The following GPC5 variants were observed in gnomAD, a reference collection of about 807,000 sequenced individuals.
GPC5 encodes glypican-5.
GPC5 carries 47 observed loss-of-function variants against 53.9 expected under a neutral mutation model. That is an observed-to-expected ratio of 0.87 (90% CI 0.69 to 1.11). The LOEUF (loss-of-function observed/expected upper bound fraction) is 1.11, where lower values mean the gene tolerates loss of function less well. Among genes scored for constraint, GPC5 ranks in the 50% most tolerant of loss-of-function variants. The probability of loss-of-function intolerance (pLI) is 0.00; values close to 1 mark genes in which losing one functional copy is unlikely to be tolerated. For synonymous variants in GPC5, 286 were observed against 263.3 expected (o/e 1.09, Z -0.84); for missense variants, 748 against 713.1 (o/e 1.05, Z -0.56).
At chr13:92,370,002 A>G (rs1380017728) in intron 7 of GPC5, among the ~76,000 whole-genome samples, 1 of 152,210 alleles carries the variant, frequency 6.6e-6, no homozygotes, top group African/African-American at 2.4e-5. Context: ...CACTTTAGTA[A>G]TACTCTCCTT....
intron 6 of GPC5, among the ~76,000 whole-genome samples, chr13:91,965,371 A>G (rs764963470): frequency 6.6e-6 from 1 of 152,088 alleles, no homozygotes; most frequent in African/African-American, 2.4e-5. Flanking sequence ...TCATTTGGAG[A>G]AGTGTTTTAA....
intron 3 of GPC5, among the ~76,000 whole-genome samples, chr13:91,723,597 C>A (rs928644263): frequency 2.0e-5 from 3 of 152,046 alleles, no homozygotes; most frequent in African/African-American, 7.2e-5. Flanking sequence ...GCTTTAACTT[C>A]TTCATTCTTA....
chr13:92,103,660 G>T (rs377452051), intron 6 of GPC5, among the ~76,000 whole-genome samples: 6 of 152,284 alleles, frequency 3.9e-5, no homozygotes, highest in Admixed American at 3.9e-4. Flanking sequence ...ATGTGCATGT[G>T]TGTGCACAAG....
chr13:92,552,462 A>T (rs970389671), intron 7 of GPC5, among the ~76,000 whole-genome samples: 1 of 151,966 alleles, frequency 6.6e-6, no homozygotes, highest in Non-Finnish European at 1.5e-5. Context: ...AAATAAAACT[A>T]AGTTACTTTG....
intron 7 of GPC5, among the ~76,000 whole-genome samples, chr13:92,282,848 A>G (rs190158929): frequency 2.0e-5 from 3 of 152,222 alleles, no homozygotes; most frequent in Non-Finnish European, 4.4e-5. Flanking sequence ...TGAGCAAAAT[A>G]ACCAGCTAAC....
intron 7 of GPC5, among the ~76,000 whole-genome samples, chr13:92,566,365 T>C (rs1161394818): frequency 6.6e-6 from 1 of 152,148 alleles, no homozygotes; most frequent in Non-Finnish European, 1.5e-5. Flanking sequence ...GTTTCCAATA[T>C]TTCAAATTAC....
intron 7 of GPC5, among the ~76,000 whole-genome samples, chr13:92,474,464 AT>A (rs531133538): frequency 1.3e-5 from 2 of 152,074 alleles, no homozygotes; most frequent in Admixed American, 6.6e-5. Context: ...GTAGTAATAG[AT>A]CTTCAAATTA....
At chr13:92,207,325 A>G (rs2042344854) in intron 7 of GPC5, among the ~76,000 whole-genome samples, 1 of 152,214 alleles carries the variant, frequency 6.6e-6, no homozygotes, top group Non-Finnish European at 1.5e-5. Context: ...CTAACCCCTG[A>G]GGAATTCTGA....
chr13:92,796,242 C>T (rs1876673708), intron 7 of GPC5, among the ~76,000 whole-genome samples: 2 of 152,054 alleles, frequency 1.3e-5, no homozygotes, highest in Admixed American at 1.3e-4. Context: ...AACCACGATT[C>T]TCATCAAACT....
intron 7 of GPC5, among the ~76,000 whole-genome samples, chr13:92,426,808 T>C (rs558824378): frequency 7.9e-5 from 12 of 152,000 alleles, no homozygotes; most frequent in African/African-American, 2.9e-4. Context: ...AGAACATGGA[T>C]CCATAGAGAG....
chr13:91,955,118 C>A (rs2040061121), intron 6 of GPC5, among the ~76,000 whole-genome samples: 1 of 152,146 alleles, frequency 6.6e-6, no homozygotes, highest in Non-Finnish European at 1.5e-5. Flanking sequence ...TGTCCCTGGA[C>A]TAGAAAACTC....
rs118135426 is a variant in GPC5, at chr13:92,395,305, A to G, written c.1561+250316A>G. 9.0e-3 allele frequency among the ~76,000 whole-genome samples: 1,378 copies of G among 152,266 alleles called. 10 individuals are homozygous for G. Among genetic ancestry groups the G allele is most frequent in the Non-Finnish European group, 0.012 (846 of 68,012 alleles). On this transcript the variant is annotated intron_variant, in intron 7 of 7. Transcript: ENST00000377067. The stretch of plus-strand genomic sequence containing the variant: ...ACGGTTGTCCTAGACTTTCCGATAT[A>G]AATGTTCAACTAATTTAACTCCACC...
rs538304225 is a variant in GPC5 at position 91,997,777 on chromosome 13, C to T, written c.1401+89720C>T. ...TCAAATGATCTGCCCGCCTCAGCCT[C>T]CCAAAGTGCTGGGATTACAGGCGTG... On this transcript the variant is annotated intron_variant, in intron 6 of 7. Transcript: ENST00000377067. 6.6e-5 allele frequency among the ~76,000 whole-genome samples: 10 copies of T among 152,332 alleles called. No homozygotes were observed. In the East Asian group the frequency reaches 1.9e-3, roughly 29 times the overall value.
chr13:92,625,870 C>T (rs937946126), intron 7 of GPC5, among the ~76,000 whole-genome samples: 6 of 152,100 alleles, frequency 3.9e-5, no homozygotes, highest in Non-Finnish European at 8.8e-5. Context: ...CCAAGTATGC[C>T]AGAGTGAGGT....
At chr13:92,323,307 A>C (rs2043228034) in intron 7 of GPC5, among the ~76,000 whole-genome samples, 1 of 149,758 alleles carries the variant, frequency 6.7e-6, no homozygotes, top group Admixed American at 6.7e-5. Flanking sequence ...ATACATATAC[A>C]ACGTATATAT....
chr13:91,745,890 C>T (rs751185904), intron 4 of GPC5, among the ~76,000 whole-genome samples: 9 of 152,116 alleles, frequency 5.9e-5, no homozygotes, highest in African/African-American at 9.7e-5. Context: ...ATTCTCCATC[C>T]GACTATACAA....
chr13:92,683,193 G>A (rs1274629526), intron 7 of GPC5, among the ~76,000 whole-genome samples: 2 of 152,042 alleles, frequency 1.3e-5, no homozygotes, highest in African/African-American at 4.8e-5. Context: ...AGCATCATTG[G>A]TCAGAAAAAG....
chr13:91,719,651 A>C (rs1353579364), intron 3 of GPC5, among the ~76,000 whole-genome samples: 1 of 152,240 alleles, frequency 6.6e-6, no homozygotes, highest in Non-Finnish European at 1.5e-5. Context: ...TAATTGAAAA[A>C]GAAGAATATA....
intron 1 of GPC5, among the ~76,000 whole-genome samples, chr13:91,428,014 G>T (rs1311649939): frequency 6.6e-6 from 1 of 152,180 alleles, no homozygotes; most frequent in Non-Finnish European, 1.5e-5. Flanking sequence ...TCCCAGCCAT[G>T]TGGAAATGTG....
Sources: gnomAD v4.1 joint callset for allele counts (sites outside exome capture counted in the v4.1 genomes callset) on GRCh38, gnomAD v4.1.1 for gene constraint, MANE v1.5 for transcripts, NCBI Gene and HGNC (gene_info 2026-07-23, HGNC 2026-07-21) for gene names.